The following DSCAM variants were observed in gnomAD, a reference collection of about 807,000 sequenced individuals.
DSCAM encodes DS cell adhesion molecule.
Under a neutral mutation model 217.7 loss-of-function variants are expected in DSCAM, and 47 were observed. The ratio of observed to expected loss-of-function variants is 0.22; its 90% confidence interval spans 0.17 to 0.28. The LOEUF (loss-of-function observed/expected upper bound fraction) is 0.28, where lower values mean the gene tolerates loss of function less well. Ranked by LOEUF, DSCAM falls within the 10% of genes least tolerant of loss-of-function variation. DSCAM has a pLI of 1.00. For missense variants in DSCAM, 2,080 were observed against 2,618.3 expected (o/e 0.79, Z 4.49); for synonymous variants, 1,056 against 1,015.3 (o/e 1.04, Z -0.76).
chr21:40,556,238 C>G (rs1389637735), intron 3 of DSCAM, among the ~76,000 whole-genome samples: 1 of 152,108 alleles, frequency 6.6e-6, no homozygotes, highest in African/African-American at 2.4e-5. Flanking sequence ...AGTCCCCACA[C>G]AGTTAAAAAT....
chr21:40,167,593 A>G (rs999598518), intron 15 of DSCAM, among the ~76,000 whole-genome samples: 5 of 152,158 alleles, frequency 3.3e-5, no homozygotes, highest in African/African-American at 1.2e-4. Flanking sequence ...AAAGTTGCAA[A>G]ACAAAATTTC....
chr21:40,834,975 G>T (rs2092045408), intron 1 of DSCAM, among the ~76,000 whole-genome samples: 1 of 152,144 alleles, frequency 6.6e-6, no homozygotes, highest in African/African-American at 2.4e-5. Flanking sequence ...AACTTAACCT[G>T]CCTTGGCCAC....
chr21:40,255,038 C>T (rs978992406), intron 11 of DSCAM, among the ~76,000 whole-genome samples: 12 of 152,150 alleles, frequency 7.9e-5, no homozygotes, highest in African/African-American at 2.7e-4. Flanking sequence ...CCAGCACTGG[C>T]AGTTGTATAG....
chr21:40,449,440 C>G (rs1168240501), intron 3 of DSCAM, among the ~76,000 whole-genome samples: 3 of 152,138 alleles, frequency 2.0e-5, no homozygotes, highest in East Asian at 3.8e-4. Context: ...TAATCCGTAT[C>G]CTTGTATTCT....
intron 3 of DSCAM, among the ~76,000 whole-genome samples, chr21:40,645,735 G>A (rs1177844172): frequency 6.6e-6 from 1 of 151,670 alleles, no homozygotes. Flanking sequence ...TTAGGTCATG[G>A]GTCTAAAAAA....
At chr21:40,735,881 C>G (rs1002852849) in intron 1 of DSCAM, among the ~76,000 whole-genome samples, 1 of 152,206 alleles carries the variant, frequency 6.6e-6, no homozygotes, top group African/African-American at 2.4e-5. Flanking sequence ...CTGACACTCA[C>G]TACCCAGAGG....
chr21:40,175,621 C>T (rs990216824), intron 15 of DSCAM, among the ~76,000 whole-genome samples: 1 of 151,984 alleles, frequency 6.6e-6, no homozygotes, highest in Non-Finnish European at 1.5e-5. Context: ...ATGATGGGTC[C>T]ACCCTCACTT....
intron 1 of DSCAM, among the ~76,000 whole-genome samples, chr21:40,817,427 G>T (rs960222066): frequency 6.6e-6 from 1 of 152,158 alleles, no homozygotes; most frequent in African/African-American, 2.4e-5. Flanking sequence ...ATTAAAATGT[G>T]CATGTCTGGG....
chr21:40,701,732 G>T (rs1391188700), intron 2 of DSCAM, among the ~76,000 whole-genome samples: 1 of 151,696 alleles, frequency 6.6e-6, no homozygotes, highest in East Asian at 1.9e-4. Context: ...CAGGTACTTG[G>T]TTATTTCTCA....
intron 1 of DSCAM, among the ~76,000 whole-genome samples, chr21:40,715,468 T>C (rs1345505553): frequency 6.6e-6 from 1 of 152,196 alleles, no homozygotes; most frequent in Admixed American, 6.5e-5. Flanking sequence ...ATACATTTTG[T>C]ACAAGCGATA....
In DSCAM at chr21:40,581,044, A is replaced by T. The variant is rs1679334773; in HGVS notation, c.508+111766T>A. ...AAAATGAAAGCTGTGTTTTGTTTTT[A>T]AAAAGACGAATAATATAGTATAGAA... On this transcript the variant is annotated intron_variant, in intron 3 of 32. Transcript: ENST00000400454. 4.6e-5 allele frequency among the ~76,000 whole-genome samples: 7 copies of T among 152,260 alleles called. 1 individual carries two copies. The highest frequency in any genetic ancestry group is 4.6e-4 in the Admixed American group (7 of 15,294).
chr21:40,670,523 C>A (rs936617138), intron 3 of DSCAM, among the ~76,000 whole-genome samples: 5 of 134,656 alleles, frequency 3.7e-5, no homozygotes, highest in Non-Finnish European at 7.9e-5. Flanking sequence ...GGTGACAGAG[C>A]GAGACTCCGT....
intron 1 of DSCAM, among the ~76,000 whole-genome samples, chr21:40,732,196 A>T (rs58114519): frequency 0.12 from 17,777 of 152,176 alleles, 1,328 homozygotes; most frequent in Admixed American, 0.18. Context: ...TAGAATTCTG[A>T]AGATTCTGCA....
At chr21:40,566,872 G>A (rs9984812) in intron 3 of DSCAM, among the ~76,000 whole-genome samples, 68,045 of 151,850 alleles carry the variant, frequency 0.45, 16,123 homozygotes, top group Admixed American at 0.55. Flanking sequence ...GCTGACAACA[G>A]CCTTGGCTTC....
chr21:40,615,180 T>C (rs967238731), intron 3 of DSCAM, among the ~76,000 whole-genome samples: 5 of 148,852 alleles, frequency 3.4e-5, no homozygotes, highest in African/African-American at 1.2e-4. Flanking sequence ...GGCACACACC[T>C]GTAAACCCAG....
At chr21:40,800,715 CTTTTTTT>C (rs34391500) in intron 1 of DSCAM, among the ~76,000 whole-genome samples, 13 of 131,078 alleles carry the variant, frequency 9.9e-5, no homozygotes, top group African/African-American at 1.4e-4. Flanking sequence ...TTCTTACTTT[CTTTTTTT>C]TTTTTTTTTT....
intron 9 of DSCAM, among the ~76,000 whole-genome samples, chr21:40,300,745 C>T (rs778970950): frequency 3.3e-5 from 5 of 152,216 alleles, no homozygotes; most frequent in Non-Finnish European, 4.4e-5. Flanking sequence ...CATTAGAGGG[C>T]ATCAGAATCA....
intron 3 of DSCAM, among the ~76,000 whole-genome samples, chr21:40,492,893 A>T (rs1335074056): frequency 6.6e-6 from 1 of 152,114 alleles, no homozygotes; most frequent in African/African-American, 2.4e-5. Context: ...AAAATTTTCA[A>T]TCAGATTCAA....
At chr21:40,183,153 G>A (rs896873319) in intron 14 of DSCAM, among the ~76,000 whole-genome samples, 5 of 150,624 alleles carry the variant, frequency 3.3e-5, no homozygotes, top group Non-Finnish European at 7.4e-5. Flanking sequence ...CCTGCGGACA[G>A]GAGATGGCCC....
Sources: allele counts gnomAD v4.1 joint callset (sites outside exome capture counted in the v4.1 genomes callset), GRCh38; gene constraint gnomAD v4.1.1; transcripts MANE v1.5; gene names NCBI Gene and HGNC (gene_info 2026-07-23, HGNC 2026-07-21).